The following ADGB variants were observed in gnomAD, a reference collection of about 807,000 sequenced individuals.
ADGB encodes calpain-7-like protein.
Under a neutral mutation model 210.5 loss-of-function variants are expected in ADGB, and 172 were observed. The observed-to-expected ratio is 0.82, with a 90% CI of 0.72 to 0.93. The LOEUF is 0.93. Among genes scored for constraint, ADGB ranks in the 40% least tolerant of loss-of-function variants. The pLI is 0.00. For synonymous variants in ADGB, 658 were observed against 662.7 expected, an observed-to-expected ratio of 0.99 and a Z score of 0.11; for missense variants, 2,025 against 1,964.8, an observed-to-expected ratio of 1.03 and a Z score of -0.58.
intron 29 of ADGB, among the ~76,000 whole-genome samples, chr6:146,780,445 C>T (rs1356492344): frequency 1.3e-5 from 2 of 152,054 alleles, no homozygotes; most frequent in Non-Finnish European, 2.9e-5. Context: ...ATTATATGCT[C>T]TCTGTAAACA....
intron 26 of ADGB, among the ~76,000 whole-genome samples, chr6:146,750,827 T>A (rs9403814): frequency 0.51 from 77,153 of 151,952 alleles, 21,272 homozygotes; most frequent in African/African-American, 0.72. Context: ...ATTTTTGTGA[T>A]TCACAGAAAA....
At chr6:146,757,977 A>C (rs1476394469) in intron 27 of ADGB, among the ~76,000 whole-genome samples, 3 of 152,090 alleles carry the variant, frequency 2.0e-5, no homozygotes, top group Admixed American at 6.6e-5. Flanking sequence ...TTTAAGTCAC[A>C]GGGAAGTGGG....
At chr6:146,637,427 G>A (rs1775440277) in intron 2 of ADGB, among the ~76,000 whole-genome samples, 1 of 152,018 alleles carries the variant, frequency 6.6e-6, no homozygotes, top group South Asian at 2.1e-4. Context: ...CCTAAACTAT[G>A]TATGAAGGAT....
intron 4 of ADGB, among the ~76,000 whole-genome samples, chr6:146,655,402 T>G (rs1367375438): frequency 6.6e-6 from 1 of 152,148 alleles, no homozygotes; most frequent in African/African-American, 2.4e-5. Flanking sequence ...CTGTGGGAAC[T>G]CATCTCCCCA....
chr6:146,652,867 G>A (rs756140535), intron 3 of ADGB, among the ~76,000 whole-genome samples: 3 of 152,210 alleles, frequency 2.0e-5, no homozygotes, highest in Admixed American at 6.5e-5. Flanking sequence ...TTCAGGTTTA[G>A]CTTCAGTGGT....
At chr6:146,808,472 T>C (rs73786784) in intron 35 of ADGB, among the ~76,000 whole-genome samples, 9,543 of 152,198 alleles carry the variant, frequency 0.063, 754 homozygotes, top group African/African-American at 0.18. Flanking sequence ...TCACCAGTGT[T>C]GTGTTTTCTC....
At position 146,801,273 on chromosome 6, in the gene ADGB, ATGTT is replaced by A; in HGVS notation, c.4629_4632del (p.Val1544GlyfsTer14). 1 of 1,482,092 alleles carries A rather than the reference ATGTT, an allele frequency of 6.7e-7. No individual in the cohort carries two copies. The highest frequency in any genetic ancestry group is 9.0e-7 in the Non-Finnish European group (1 of 1,112,324). The allele number at this position is 1,482,092 out of a possible 1,614,324, so 91.8% of individuals were successfully genotyped here. A position where few individuals can be genotyped will look rare whatever the true frequency, so the allele number is the denominator to read the frequency against. ...CTAGAATTTATGGATTTAAGTCAATATGTTCGGTAAGTTTTCATAAACATGATTG... is the reference window on the plus strand; with the variant it reads ...CTAGAATTTATGGATTTAAGTCAATACGGTAAGTTTTCATAAACATGATTG... On this transcript the variant is annotated frameshift_variant and splice_region_variant, in exon 34 of 36. Transcript: ENST00000397944. LOFTEE classifies it high-confidence loss of function.
intron 26 of ADGB, among the ~76,000 whole-genome samples, chr6:146,749,644 C>T (rs13191382): frequency 0.22 from 33,841 of 151,942 alleles, 4,830 homozygotes; most frequent in South Asian, 0.37. Flanking sequence ...TGTGTTAGTC[C>T]GTTCTCACAC....
intron 1 of ADGB, among the ~76,000 whole-genome samples, chr6:146,621,178 T>G (rs1053172482): frequency 6.6e-6 from 1 of 152,094 alleles, no homozygotes; most frequent in Non-Finnish European, 1.5e-5. Context: ...TGGCACTAGG[T>G]ATTAATTCTG....
At chr6:146,721,985 C>T (rs1776825064) in intron 17 of ADGB, among the ~76,000 whole-genome samples, 1 of 152,028 alleles carries the variant, frequency 6.6e-6, no homozygotes, top group African/African-American at 2.4e-5. Context: ...GGGATTATGC[C>T]CACTGCTGCC....
At position 146,803,097 on chromosome 6, in the gene ADGB, A is replaced by G. The variant is rs1316875903; in HGVS notation, c.4818+1086A>G. ...TGAGATATATTGTTTTTCTTCCTGT[A>G]AACAATTGGTGAGCACAGGAAGGCA... On this transcript the variant is annotated intron_variant, in intron 35 of 35. Transcript: ENST00000397944. 1.0e-5 allele frequency: 16 copies of G among 1,524,260 alleles called. No individual in the cohort carries two copies. In the East Asian group the frequency reaches 1.1e-4, roughly 11 times the overall value. 94.4% of individuals were successfully genotyped at this position (1,524,260 alleles called of 1,614,324 possible). A position where few individuals can be genotyped will look rare whatever the true frequency, so the allele number is the denominator to read the frequency against.
At chr6:146,637,965 G>T (rs1380999057) in intron 2 of ADGB, among the ~76,000 whole-genome samples, 1 of 151,950 alleles carries the variant, frequency 6.6e-6, no homozygotes, top group Non-Finnish European at 1.5e-5. Flanking sequence ...TATCATCGAT[G>T]AACATCAATG....
intron 2 of ADGB, among the ~76,000 whole-genome samples, chr6:146,643,464 A>G (rs1775548933): frequency 1.3e-5 from 2 of 151,810 alleles, no homozygotes. Flanking sequence ...ATAACCTGTC[A>G]ATTTTAATAT....
chr6:146,666,743 A>T, intron 6 of ADGB, 73 bp from the exon 7 acceptor site: 1 of 878,796 alleles, frequency 1.1e-6, no homozygotes, highest in East Asian at 2.7e-5. Flanking sequence ...TTTATTAATG[A>T]TTCCTAGTTC....
At position 146,652,057 on chromosome 6, in the gene ADGB, A is replaced by G. The variant is rs1218322290; in HGVS notation, c.331-2078A>G. On this transcript the variant is annotated intron_variant, in intron 3 of 35. Coordinates refer to ENST00000397944, the MANE Select transcript of ADGB (RefSeq NM_024694.4). The stretch of plus-strand genomic sequence containing the variant: ...AAATGAGTGGCCCAGACCCTTGAGC[A>G]TTGAATGTGTTGAATAGATTAGGAT... Among the ~76,000 whole-genome samples the G allele has an allele frequency of 2.6e-5, 4 of 152,264 alleles. No homozygotes were observed. The South Asian group carries it at 6.2e-4, about 24-fold the overall frequency.
At chr6:146,621,364 C>T (rs976006473) in intron 1 of ADGB, among the ~76,000 whole-genome samples, 2 of 152,040 alleles carry the variant, frequency 1.3e-5, no homozygotes, top group African/African-American at 2.4e-5. Flanking sequence ...TGATTAGTGC[C>T]CAGTTCATCA....
intron 25 of ADGB, among the ~76,000 whole-genome samples, chr6:146,743,935 G>A (rs533354211): frequency 6.6e-6 from 1 of 152,132 alleles, no homozygotes; most frequent in East Asian, 1.9e-4. Flanking sequence ...AAAGTTAAAA[G>A]TGGAGAAATG....
At chr6:146,687,690 G>A (rs1776251630) in intron 10 of ADGB, among the ~76,000 whole-genome samples, 1 of 152,058 alleles carries the variant, frequency 6.6e-6, no homozygotes, top group African/African-American at 2.4e-5. Context: ...GTCAATAGGT[G>A]CAGCAAACCA....
intron 2 of ADGB, chr6:146,638,920 A>G (rs2114862811): frequency 6.6e-6 from 1 of 151,844 alleles, no homozygotes; most frequent in African/African-American, 2.4e-5. Context: ...AAAAAAAAAA[A>G]AAAATGCATT....
Sources: gnomAD v4.1 joint callset for allele counts (sites outside exome capture counted in the v4.1 genomes callset) on GRCh38, gnomAD v4.1.1 for gene constraint, MANE v1.5 for transcripts, NCBI Gene and HGNC (gene_info 2026-07-23, HGNC 2026-07-21) for gene names.